The following RARB variants were observed in gnomAD, a reference collection of about 807,000 sequenced individuals.
The protein encoded by RARB is retinoic acid receptor beta.
A neutral mutation model predicts 51.9 loss-of-function variants in RARB; 17 were observed. That is an observed-to-expected ratio of 0.33 (90% confidence interval 0.22 to 0.49). The LOEUF (loss-of-function observed/expected upper bound fraction) is 0.49. RARB is among the 20% of genes least tolerant of loss of function. The pLI, the probability that RARB is intolerant of heterozygous loss-of-function variation, is 0.99. For missense variants in RARB, 369 were observed against 550.8 expected, an observed-to-expected ratio of 0.67 and a Z score of 3.30; for synonymous variants, 215 against 195.4, an observed-to-expected ratio of 1.10 and a Z score of -0.84.
rs115738251 is a variant in RARB at position 25,119,481 on chromosome 3, A to T, written c.-327-12680A>T. 6.6e-3 allele frequency among the ~76,000 whole-genome samples: 1,002 copies of T among 152,222 alleles called. 8 individuals are homozygous for T. Among genetic ancestry groups the T allele is most frequent in the African/African-American group, 0.022 (913 of 41,528 alleles). The stretch of plus-strand genomic sequence containing the variant: ...AATCGATGTTAAGAGAACTTAGGAT[A>T]GTCCTTGGTACAGACAATGCTCAAC... On this transcript the variant is annotated intron_variant, in intron 3 of 11. Transcript: ENST00000383772.
At chr3:24,881,257 A>G (rs1324897361) in intron 2 of RARB, among the ~76,000 whole-genome samples, 2 of 152,186 alleles carry the variant, frequency 1.3e-5, no homozygotes, top group East Asian at 1.9e-4. Context: ...TTGTTTATAA[A>G]TTACCCAGTT....
chr3:25,435,395 T>C (rs1390116251), intron 1 of RARB, among the ~76,000 whole-genome samples: 3 of 152,194 alleles, frequency 2.0e-5, no homozygotes, highest in Admixed American at 2.0e-4. Context: ...TGTAATAAAT[T>C]TGTCTTCTCA....
chr3:25,348,366 A>G (rs1158437017), intron 5 of RARB, among the ~76,000 whole-genome samples: 1 of 149,100 alleles, frequency 6.7e-6, no homozygotes, highest in Non-Finnish European at 1.5e-5. Flanking sequence ...TAATAACTAT[A>G]GTGGGAGCAA....
chr3:25,210,193 A>C (rs574258607), intron 5 of RARB, among the ~76,000 whole-genome samples: 2 of 152,338 alleles, frequency 1.3e-5, no homozygotes, highest in Admixed American at 1.3e-4. Context: ...AAAGCTAGGC[A>C]TGGCCTGTCC....
intron 2 of RARB, among the ~76,000 whole-genome samples, chr3:25,473,391 T>C (rs747485812): frequency 6.6e-6 from 1 of 152,044 alleles, no homozygotes; most frequent in Non-Finnish European, 1.5e-5. Flanking sequence ...GGGGAAAAGC[T>C]GGGGTTCTGG....
intron 5 of RARB, among the ~76,000 whole-genome samples, chr3:25,233,493 G>A (rs1056271031): frequency 2.0e-5 from 3 of 152,104 alleles, no homozygotes; most frequent in Admixed American, 6.6e-5. Flanking sequence ...AATGTGAATA[G>A]AGAGTTTTAT....
At chr3:25,146,224 T>C (rs1700186263) in intron 4 of RARB, among the ~76,000 whole-genome samples, 1 of 152,182 alleles carries the variant, frequency 6.6e-6, no homozygotes, top group Non-Finnish European at 1.5e-5. Flanking sequence ...AATCAGTCAT[T>C]GTTATTATTT....
intron 4 of RARB, among the ~76,000 whole-genome samples, chr3:25,145,433 C>T (rs556557123): frequency 6.6e-6 from 1 of 152,046 alleles, no homozygotes; most frequent in African/African-American, 2.4e-5. Flanking sequence ...TGCCACATGT[C>T]TGGGAACTTT....
At position 24,952,497 on chromosome 3, in the gene RARB, C is replaced by T. The variant is rs114527749; in HGVS notation, c.-380+93745C>T. 2.0e-3 allele frequency among the ~76,000 whole-genome samples: 302 copies of T among 152,220 alleles called. 1 individual carries two copies. The highest frequency in any genetic ancestry group is 6.4e-3 in the African/African-American group (264 of 41,530). The stretch of plus-strand genomic sequence containing the variant: ...CCCCCATCCCCCACTACCTGCACTC[C>T]GGCGCTAACTGCTTACCATGACTTA... On this transcript the variant is annotated intron_variant, in intron 2 of 11. Transcript: ENST00000383772.
intron 5 of RARB, among the ~76,000 whole-genome samples, chr3:25,238,590 T>A (rs574219179): frequency 1.3e-5 from 2 of 152,322 alleles, no homozygotes; most frequent in South Asian, 4.1e-4. Flanking sequence ...CCATACACAT[T>A]TGCATAGTAG....
chr3:25,450,814 G>T (rs534227176), intron 1 of RARB, among the ~76,000 whole-genome samples: 47 of 152,214 alleles, frequency 3.1e-4, no homozygotes, highest in Non-Finnish European at 6.3e-4. Flanking sequence ...GGCCGGGTGC[G>T]GTGGCTCACG....
chr3:25,189,595 C>G (rs958108389), intron 5 of RARB, among the ~76,000 whole-genome samples: 3 of 152,048 alleles, frequency 2.0e-5, no homozygotes, highest in Non-Finnish European at 2.9e-5. Context: ...TCAGAAAATC[C>G]TCAGTTGTTG....
chr3:25,384,269 CCTTCCTTCCTTCTCTTT>C (rs1277623576), intron 5 of RARB, among the ~76,000 whole-genome samples: 4 of 151,630 alleles, frequency 2.6e-5, no homozygotes, highest in Non-Finnish European at 4.4e-5. Context: ...TATAATGTCT[CCTTCCTTCCTTCTCTTT>C]CTCCCTTCAT....
At chr3:25,131,654 G>T (rs973381237) in intron 3 of RARB, among the ~76,000 whole-genome samples, 9 of 151,932 alleles carry the variant, frequency 5.9e-5, no homozygotes, top group African/African-American at 2.2e-4. Flanking sequence ...GTCTATGATG[G>T]ATCCTATTCA....
chr3:25,147,685 T>C (rs1700217122), intron 4 of RARB, among the ~76,000 whole-genome samples: 1 of 152,200 alleles, frequency 6.6e-6, no homozygotes, highest in South Asian at 2.1e-4. Context: ...AACTATAAGC[T>C]GGTGTAAGGA....
At chr3:25,206,918 C>A (rs1701563943) in intron 5 of RARB, among the ~76,000 whole-genome samples, 1 of 152,180 alleles carries the variant, frequency 6.6e-6, no homozygotes, top group African/African-American at 2.4e-5. Context: ...GCACCCACAG[C>A]TACTTGACCA....
chr3:25,449,214 G>GT (rs1432395949), intron 1 of RARB, among the ~76,000 whole-genome samples: 6 of 152,034 alleles, frequency 3.9e-5, no homozygotes, highest in Non-Finnish European at 2.9e-5. Context: ...ACTGCCGCCA[G>GT]AGGCCTTTGG....
intron 5 of RARB, among the ~76,000 whole-genome samples, chr3:25,350,661 C>T (rs11927083): frequency 0.036 from 5,424 of 152,294 alleles, 355 homozygotes; most frequent in African/African-American, 0.12. Context: ...TTTTGCTCTA[C>T]GCTGGGTGCC....
intron 5 of RARB, among the ~76,000 whole-genome samples, chr3:25,276,336 A>G (rs990088989): frequency 1.3e-5 from 2 of 152,120 alleles, no homozygotes; most frequent in African/African-American, 4.8e-5. Flanking sequence ...TTAGCCCGTT[A>G]TGTAAGCTAA....
Sources: gnomAD v4.1 joint callset for allele counts (sites outside exome capture counted in the v4.1 genomes callset) on GRCh38, gnomAD v4.1.1 for gene constraint, MANE v1.5 for transcripts, NCBI Gene and HGNC (gene_info 2026-07-23, HGNC 2026-07-21) for gene names.